MYO18A: variants seen among roughly 807,000 people sequenced by gnomAD.
The protein encoded by MYO18A is myosin XVIIIA, also known as unconventional myosin-XVIIIa.
In MYO18A, 78 loss-of-function variants were observed where a neutral mutation model predicts 235.8. The observed-to-expected ratio is 0.33, with a 90% confidence interval of 0.28 to 0.40. The LOEUF (loss-of-function observed/expected upper bound fraction) is 0.40, where lower values mean the gene tolerates loss of function less well. Among genes scored for constraint, MYO18A ranks in the 10% least tolerant of loss-of-function variants. The probability of loss-of-function intolerance (pLI) is 1.00; values close to 1 mark genes in which losing one functional copy is unlikely to be tolerated. For synonymous variants in MYO18A, 977 were observed against 1,077.8 expected (o/e 0.91, Z 1.83); for missense variants, 2,215 against 2,699.3 (o/e 0.82, Z 3.98).
chr17:29,085,832 C>A (rs1356723557), intron 39 of MYO18A, among the ~76,000 whole-genome samples, 184 bp from the exon 40 acceptor site: 1 of 152,206 alleles, frequency 6.6e-6, no homozygotes, highest in Non-Finnish European at 1.5e-5. Context: ...GCGGGCTGCC[C>A]CTGGCACCTC....
At chr17:29,124,735 A>G in intron 2 of MYO18A, 1 of 1,256,882 alleles carries the variant, frequency 8.0e-7, no homozygotes, top group Non-Finnish European at 1.0e-6. Context: ...GGTGAAGATA[A>G]GCAGACCACT....
chr17:29,147,738 A>T (rs1295537469), intron 2 of MYO18A, among the ~76,000 whole-genome samples: 2 of 151,942 alleles, frequency 1.3e-5, no homozygotes, highest in Admixed American at 6.6e-5. Flanking sequence ...GTCTACAAAA[A>T]ATTTAAAAAT....
intron 2 of MYO18A, among the ~76,000 whole-genome samples, chr17:29,143,063 C>T (rs1486218202): frequency 5.9e-5 from 9 of 152,232 alleles, no homozygotes; most frequent in Admixed American, 5.9e-4. Flanking sequence ...CCGCCTTGGC[C>T]TCCCAAAGTG....
At chr17:29,130,484 A>T (rs1170426243) in intron 2 of MYO18A, among the ~76,000 whole-genome samples, 1,981 of 41,292 alleles carry the variant, frequency 0.048, 31 homozygotes, top group East Asian at 0.29. Flanking sequence ...CCACACACAC[A>T]CACACACACA....
chr17:29,177,886 T>C (rs9914326), intron 1 of MYO18A, among the ~76,000 whole-genome samples: 50 of 152,190 alleles, frequency 3.3e-4, no homozygotes, highest in African/African-American at 1.1e-3. Context: ...GACCTCTGGT[T>C]TGAAGGATTA....
At chr17:29,131,363 G>A (rs1299057246) in intron 2 of MYO18A, 1 of 982,812 alleles carries the variant, frequency 1.0e-6, no homozygotes, top group South Asian at 4.7e-5. Flanking sequence ...ATGCCTCGGA[G>A]AACTCAAGGA....
At chr17:29,104,478 G>A (rs961301611) in intron 20 of MYO18A, among the ~76,000 whole-genome samples, 3 of 152,152 alleles carry the variant, frequency 2.0e-5, no homozygotes, top group Non-Finnish European at 2.9e-5. Flanking sequence ...GGCGGCTTGT[G>A]GGGAGAATGA....
At chr17:29,122,871 G>A (rs2067234607) in intron 2 of MYO18A, among the ~76,000 whole-genome samples, 1 of 152,320 alleles carries the variant, frequency 6.6e-6, no homozygotes, top group Admixed American at 6.5e-5. Context: ...CAGTGCCCAG[G>A]TGCACACATC....
At chr17:29,078,585 C>T (rs2066041107) in intron 41 of MYO18A, 1 of 152,252 alleles carries the variant, frequency 6.6e-6, no homozygotes, top group Admixed American at 6.5e-5. Flanking sequence ...TGTCTGTGCC[C>T]CAGGGGCTGC....
intron 1 of MYO18A, among the ~76,000 whole-genome samples, chr17:29,179,968 A>C (rs996673955): frequency 3.9e-4 from 40 of 101,624 alleles, no homozygotes; most frequent in African/African-American, 1.0e-3. Flanking sequence ...TGCAGCCCCC[A>C]CCCCGCAGCT....
At chr17:29,089,267 CTA>C (rs1568045419) in intron 37 of MYO18A, among the ~76,000 whole-genome samples, 1 of 150,600 alleles carries the variant, frequency 6.6e-6, no homozygotes, top group Non-Finnish European at 1.5e-5. Flanking sequence ...CCCCTCTCTA[CTA>C]AAATACAATT....
intron 27 of MYO18A, 107 bp from the exon 28 acceptor site, chr17:29,097,022 G>C: frequency 7.1e-7 from 1 of 1,407,064 alleles, no homozygotes; most frequent in Non-Finnish European, 9.4e-7. Flanking sequence ...GATGCAGGAG[G>C]AAGTCGGGTC....
In MYO18A at chr17:29,092,444, C is replaced by CT; in HGVS notation, c.5085dup (p.Glu1696ArgfsTer26). 6.2e-7 allele frequency: 1 copy of CT among 1,611,612 alleles called. No individual in the cohort carries two copies. The highest frequency in any genetic ancestry group is 8.5e-7 in the Non-Finnish European group (1 of 1,179,692). ...TTCACGGCTGCCGCACAGGTGAACTCTGACTCCTCCAGCTGGACACAGACC... is the reference window on the plus strand; with the variant it reads ...TTCACGGCTGCCGCACAGGTGAACTCTTGACTCCTCCAGCTGGACACAGACC... On this transcript the variant is annotated frameshift_variant, in exon 34 of 42. Coordinates refer to ENST00000527372, the MANE Select transcript of MYO18A (RefSeq NM_078471.4). LOFTEE classifies it high-confidence loss of function.
chr17:29,173,253 C>T lies in MYO18A; in HGVS notation c.-81-6232G>A, dbSNP rs557241604. 3.5e-3 allele frequency among the ~76,000 whole-genome samples: 533 copies of T among 150,536 alleles called. 1 individual carries two copies. The highest frequency in any genetic ancestry group is 6.2e-3 in the Non-Finnish European group (419 of 67,672). On this transcript the variant is annotated intron_variant, in intron 1 of 41. Transcript: ENST00000527372. ...AATTACAGGCATGCGCCACCATGACCGGCTAATTTTGTATTTTTAGTAGAG... is the reference window on the plus strand; with the variant it reads ...AATTACAGGCATGCGCCACCATGACTGGCTAATTTTGTATTTTTAGTAGAG...
rs777221191 is a variant in MYO18A at position 29,119,355 on chromosome 17, G to C, written c.1809C>G (p.Ala603=). The part of the protein sequence containing the change: ...ATFNVFYYLL[A]CGDGTLRTEL... The stretch of plus-strand genomic sequence containing the variant: ...CTCACCTGAGGGTGCCATCCCCACA[G>C]GCCAGCAGGTAGTAGAAGACGTTGA... Residue 603 remains alanine, a synonymous_variant, in exon 8 of 42, where the codon GCC becomes GCG. Coordinates refer to ENST00000527372, the MANE Select transcript of MYO18A (RefSeq NM_078471.4). 32 of 1,612,584 alleles carry C rather than the reference G, an allele frequency of 2.0e-5. No individual in the cohort carries two copies. Among genetic ancestry groups the C allele is most frequent in the Non-Finnish European group, 2.7e-5 (32 of 1,179,488 alleles).
At position 29,114,113 on chromosome 17, in the gene MYO18A, G is replaced by A. The variant is rs759697237; in HGVS notation, c.2512-16C>T. 2.6e-5 allele frequency: 41 copies of A among 1,566,358 alleles called. No homozygotes were observed. Among genetic ancestry groups the A allele is most frequent in the Non-Finnish European group, 3.5e-5 (40 of 1,152,016 alleles). On this transcript the variant is annotated splice_polypyrimidine_tract_variant and intron_variant, in intron 14 of 41. Transcript: ENST00000527372. ...CGATGTTCTCCTGGGAAAGAAGGCC[G>A]AGCGGTAGTGAGCATGGGGGTCACA...
chr17:29,137,616 T>A (rs1409636721), intron 2 of MYO18A, among the ~76,000 whole-genome samples: 1 of 152,198 alleles, frequency 6.6e-6, no homozygotes, highest in Non-Finnish European at 1.5e-5. Context: ...CGCAAAGATT[T>A]TTATAGATGC....
Position 29,110,418 on chromosome 17 carries a change from G to A in MYO18A, c.3087+18C>T. On this transcript the variant is annotated intron_variant, in intron 18 of 41. Coordinates refer to ENST00000527372, the MANE Select transcript of MYO18A (RefSeq NM_078471.4). ...AAGGGTCCCCAGGCCTGCCTGCTGG[G>A]ACCCGGCTGGCACTCACCACCTGTA... 1.3e-6 allele frequency: 2 copies of A among 1,564,084 alleles called. No homozygotes were observed. The highest frequency in any genetic ancestry group is 1.7e-4 in the Middle Eastern group (1 of 5,974).
intron 37 of MYO18A, among the ~76,000 whole-genome samples, chr17:29,089,419 CAAAAAAAAAAAAAA>C: frequency 4.2e-5 from 1 of 23,810 alleles, no homozygotes; most frequent in East Asian, 1.2e-3. Context: ...GACTCTGTCT[CAAAAAAAAAAAAAA>C]AAAAAAAAAA....
Sources: allele counts gnomAD v4.1 joint callset (sites outside exome capture counted in the v4.1 genomes callset), GRCh38; gene constraint gnomAD v4.1.1; transcripts MANE v1.5; gene names NCBI Gene and HGNC (gene_info 2026-07-23, HGNC 2026-07-21).